The following PIP4P1 variants were observed in gnomAD, a reference collection of about 807,000 sequenced individuals.
PIP4P1 encodes phosphatidylinositol-4,5-bisphosphate 4-phosphatase 1, also known as type 1 phosphatidylinositol 4,5-bisphosphate 4-phosphatase.
In PIP4P1, 14 loss-of-function variants were observed where a neutral mutation model predicts 32.3. The ratio of observed to expected loss-of-function variants is 0.43; its 90% CI spans 0.29 to 0.68. The LOEUF is 0.68. Among genes scored for constraint, PIP4P1 ranks in the 30% least tolerant of loss-of-function variants. The pLI is 0.15. For synonymous variants in PIP4P1, 132 were observed against 137.9 expected, an observed-to-expected ratio of 0.96 and a Z score of 0.30; for missense variants, 289 against 364.5, an observed-to-expected ratio of 0.79 and a Z score of 1.69.
intron 2 of PIP4P1, 46 bp from the exon 3 acceptor site, chr14:20,460,344 C>T: frequency 2.9e-6 from 4 of 1,380,978 alleles, no homozygotes; most frequent in Non-Finnish European, 4.1e-6. Flanking sequence ...TAATCCCAAT[C>T]CCCTCCACTT....
Position 20,458,244 on chromosome 14 carries a change from G to A in PIP4P1, c.*315C>T. 5.7e-6 allele frequency: 3 copies of A among 528,108 alleles called. No homozygotes were observed. The highest frequency in any genetic ancestry group is 4.6e-5 in the South Asian group (3 of 64,956). The allele number at this position is 528,108 out of a possible 1,614,324, so 32.7% of individuals were successfully genotyped here. A position where few individuals can be genotyped will look rare whatever the true frequency, so the allele number is the denominator to read the frequency against. On this transcript the variant is annotated 3_prime_UTR_variant, in exon 7 of 7. Transcript: ENST00000250489. The stretch of plus-strand genomic sequence containing the variant: ...CTGCCCTGGAATGTGTAAGGGACAG[G>A]AATGGCTCTCAGGGAGCACACAGGA...
rs1881641391 is a variant in PIP4P1, at chr14:20,460,016, A to G, written c.440+176T>C. On this transcript the variant is annotated intron_variant, in intron 3 of 6. Coordinates refer to ENST00000250489, the MANE Select transcript of PIP4P1 (RefSeq NM_144568.4). Reference sequence around the variant, plus strand: ...CTCCGAAACGACATCATTTCATCTCAATATTTTTATTGAGAAACGAGAAAG... The same window carrying G: ...CTCCGAAACGACATCATTTCATCTCGATATTTTTATTGAGAAACGAGAAAG... The G allele has an allele frequency of 7.7e-6, 5 of 648,030 alleles. No individual in the cohort carries two copies. The Admixed American group carries it at 1.3e-4, about 17-fold the overall frequency. The allele number at this position is 648,030 out of a possible 1,614,324, so 40.1% of individuals were successfully genotyped here. A position where few individuals can be genotyped will look rare whatever the true frequency, so the allele number is the denominator to read the frequency against.
chr14:20,459,247 A>G lies in PIP4P1; in HGVS notation c.649T>C (p.Leu217=), dbSNP rs774124173. The change falls in exon 6 of 7, where the codon TTG becomes CTG. Residue 217 remains leucine, a synonymous_variant. Coordinates refer to ENST00000250489, the MANE Select transcript of PIP4P1 (RefSeq NM_144568.4). ...GTGACTGCCAAAAGCAAGCCAAGCA[A>G]GAAGCAGCAGATACATCTCTTACGT... ...YPRKRCICCF[L]LGLLLAVTAT... is the part of the protein sequence containing the mutation. The G allele has an allele frequency of 1.9e-6, 3 of 1,614,268 alleles. No individual in the cohort carries two copies. Among genetic ancestry groups the G allele is most frequent in the Admixed American group, 3.3e-5 (2 of 60,034 alleles).
In PIP4P1 at chr14:20,458,291, T is replaced by G. The variant is rs1027544755; in HGVS notation, c.*268A>C. The G allele has an allele frequency of 4.8e-6, 3 of 628,094 alleles. No homozygotes were observed. In the African/African-American group the frequency reaches 5.4e-5, roughly 11 times the overall value. The allele number at this position is 628,094 out of a possible 1,614,324, so 38.9% of individuals were successfully genotyped here. A position where few individuals can be genotyped will look rare whatever the true frequency, so the allele number is the denominator to read the frequency against. Reference sequence around the variant, plus strand: ...AGGAAGGACAAGGCTGGAACCGTCTTCAGGGCCCAGTTTTAAGGGCAACGT... The same window carrying G: ...AGGAAGGACAAGGCTGGAACCGTCTGCAGGGCCCAGTTTTAAGGGCAACGT... On this transcript the variant is annotated 3_prime_UTR_variant, in exon 7 of 7. Coordinates refer to ENST00000250489, the MANE Select transcript of PIP4P1 (RefSeq NM_144568.4).
Position 20,458,725 on chromosome 14 carries a change from A to C in PIP4P1, c.691-23T>G, listed in dbSNP as rs1881573868. 2.5e-6 allele frequency: 4 copies of C among 1,602,050 alleles called. No homozygotes were observed. In the East Asian group the frequency reaches 8.9e-5, roughly 36 times the overall value. On this transcript the variant is annotated intron_variant, in intron 6 of 6. Transcript: ENST00000250489. ...AAACTGATGAAGATAAGGAGGGAGA[A>C]GAAAAGAAAGATGGGGTTAATGTTG...
Position 20,461,246 on chromosome 14 carries a change from G to C in PIP4P1, c.80C>G (p.Pro27Arg). The C allele has an allele frequency of 1.6e-6, 2 of 1,270,430 alleles. No individual in the cohort carries two copies. The highest frequency in any genetic ancestry group is 2.0e-6 in the Non-Finnish European group (2 of 1,003,438). 78.7% of individuals were successfully genotyped at this position (1,270,430 alleles called of 1,614,324 possible). A position where few individuals can be genotyped will look rare whatever the true frequency, so the allele number is the denominator to read the frequency against. Residue 27 changes from proline (P) to arginine (R), a missense_variant, in exon 1 of 7, where the codon CCC becomes CGC. Physicochemically the swap from Pro to Arg is moderately radical, Grantham distance 103. Around this residue, in one of 2 missense-constraint regions of PIP4P1, gnomAD observed 108 missense variants for 101.2 expected, o/e 1.07. Coordinates refer to ENST00000250489, the MANE Select transcript of PIP4P1 (RefSeq NM_144568.4). ...CCCGGGCCCAGCCCCACTCCCGCCG[G>C]GCCCCACTAAACCGTTGCCGCCCGC... ...GGAGGNGLVG[P>R]GGSGAGPGGG...
intron 5 of PIP4P1, 34 bp downstream of exon 5, chr14:20,459,354 A>G (rs373463011): frequency 1.2e-6 from 2 of 1,614,088 alleles, no homozygotes; most frequent in African/African-American, 2.7e-5. Flanking sequence ...TTTACTCCAT[A>G]CATCAATTAC....
intron 6 of PIP4P1, 147 bp from the exon 7 acceptor site, chr14:20,458,849 G>T: frequency 1.0e-6 from 1 of 983,984 alleles, no homozygotes; most frequent in Non-Finnish European, 1.5e-6. Context: ...CCTTCTTAAA[G>T]GCAGAGCTGA....
At chr14:20,460,527 ACCT>A (rs1881660931) in intron 2 of PIP4P1, 125 bp downstream of exon 2, 3 of 988,410 alleles carry the variant, frequency 3.0e-6, no homozygotes, top group Admixed American at 2.6e-5. Context: ...TGTGTGAGAC[ACCT>A]GGAACTGAAA....
chr14:20,461,207 G>A lies in PIP4P1; in HGVS notation c.119C>T (p.Pro40Leu), dbSNP rs1398084408. The A allele has an allele frequency of 4.1e-5, 51 of 1,256,250 alleles. No individual in the cohort carries two copies. The highest frequency in any genetic ancestry group is 5.1e-5 in the Non-Finnish European group (51 of 994,800). The allele number at this position is 1,256,250 out of a possible 1,614,324, so 77.8% of individuals were successfully genotyped here. Residue 40 changes from proline (P) to leucine (L), a missense_variant, in exon 1 of 7, where the codon CCC (proline) becomes CTC (leucine). Around this residue, in one of 2 missense-constraint regions of PIP4P1, gnomAD observed 108 missense variants for 101.2 expected, o/e 1.07. Coordinates refer to ENST00000250489, the MANE Select transcript of PIP4P1 (RefSeq NM_144568.4). ...SGAGPGGGLTPSAPPYGAAFP... is the reference protein window; with the variant it reads ...SGAGPGGGLTLSAPPYGAAFP... ...ACCGGCTCCGTACGGTGGTGCGGAG[G>A]GGGTCAGGCCTCCCCCGGGCCCAGC...
chr14:20,458,560 C>T lies in PIP4P1; in HGVS notation c.833G>A (p.Ter278=). The T allele has an allele frequency of 6.2e-7, 1 of 1,613,310 alleles. No individual in the cohort carries two copies. The highest frequency in any genetic ancestry group is 8.5e-7 in the Non-Finnish European group (1 of 1,179,546). The change falls in exon 7 of 7, where the codon TGA becomes TAA. Residue 278 remains the stop codon, a stop_retained_variant. Coordinates refer to ENST00000250489, the MANE Select transcript of PIP4P1 (RefSeq NM_144568.4). ...GGCACAGTCTGTGGGTCATCAGGCTCAGGAGAAGTTCTGGACAGGGTGGCT... is the reference window on the plus strand; with the variant it reads ...GGCACAGTCTGTGGGTCATCAGGCTTAGGAGAAGTTCTGGACAGGGTGGCT... ...KVSHPVQNFS[*]
At position 20,458,543 on chromosome 14, in the gene PIP4P1, CTG is replaced by C. The variant is rs752523405; in HGVS notation, c.*14_*15del. Reference sequence around the variant, plus strand: ...CCACCAGGGAGGGGCCAGGCACAGTCTGTGGGTCATCAGGCTCAGGAGAAGTT... The same window carrying C: ...CCACCAGGGAGGGGCCAGGCACAGTCTGGGTCATCAGGCTCAGGAGAAGTT... On this transcript the variant is annotated 3_prime_UTR_variant, in exon 7 of 7. Coordinates refer to ENST00000250489, the MANE Select transcript of PIP4P1 (RefSeq NM_144568.4). 3.7e-6 allele frequency: 6 copies of C among 1,612,260 alleles called. No individual in the cohort carries two copies. Among genetic ancestry groups the C allele is most frequent in the Non-Finnish European group, 5.1e-6 (6 of 1,179,016 alleles).
rs747904913 is a variant in PIP4P1, at chr14:20,458,557, G to A, written c.*2C>T. 1 of 1,613,246 alleles carries A rather than the reference G, an allele frequency of 6.2e-7. No individual in the cohort carries two copies. The highest frequency in any genetic ancestry group is 8.5e-7 in the Non-Finnish European group (1 of 1,179,482). On this transcript the variant is annotated 3_prime_UTR_variant, in exon 7 of 7. Coordinates refer to ENST00000250489, the MANE Select transcript of PIP4P1 (RefSeq NM_144568.4). ...CCAGGCACAGTCTGTGGGTCATCAG[G>A]CTCAGGAGAAGTTCTGGACAGGGTG...
intron 2 of PIP4P1, 90 bp from the exon 3 acceptor site, chr14:20,460,388 A>G: frequency 1.0e-6 from 1 of 982,508 alleles, no homozygotes; most frequent in Non-Finnish European, 1.5e-6. Flanking sequence ...TCAGAAAAAT[A>G]AGGTGCTAAC....
Position 20,457,892 on chromosome 14 carries a change from A to C in PIP4P1, c.*667T>G, listed in dbSNP as rs1009205068. 2.9e-6 allele frequency: 1 copy of C among 347,366 alleles called. No homozygotes were observed. Among genetic ancestry groups the C allele is most frequent in the Non-Finnish European group, 5.5e-6 (1 of 180,304 alleles). The allele number at this position is 347,366 out of a possible 1,614,324, so 21.5% of individuals were successfully genotyped here. A position where few individuals can be genotyped will look rare whatever the true frequency, so the allele number is the denominator to read the frequency against. On this transcript the variant is annotated 3_prime_UTR_variant, in exon 7 of 7. Coordinates refer to ENST00000250489, the MANE Select transcript of PIP4P1 (RefSeq NM_144568.4). ...GACCTTATTTATTTACAAGCACAGG[A>C]TAAGTCCCTAACCTCCCCCAAAGAC...
chr14:20,460,426 T>C (rs374269659), intron 2 of PIP4P1, 128 bp from the exon 3 acceptor site: 1 of 794,774 alleles, frequency 1.3e-6, no homozygotes, highest in Non-Finnish European at 2.0e-6. Context: ...AGAAAGACTA[T>C]ATCATGAGAT....
chr14:20,461,030 G>T (rs1881686868), intron 1 of PIP4P1, 154 bp downstream of exon 1: 10 of 1,264,948 alleles, frequency 7.9e-6, no homozygotes, highest in Non-Finnish European at 1.0e-5. Flanking sequence ...ATTACGGAGG[G>T]AAGGAAGCCT....
At chr14:20,459,558 A>T in intron 4 of PIP4P1, 70 bp downstream of exon 4, 2 of 1,570,540 alleles carry the variant, frequency 1.3e-6, no homozygotes, top group African/African-American at 1.3e-5. Flanking sequence ...CATTACCATT[A>T]CTCTAAGAAA....
Position 20,459,396 on chromosome 14 carries a change from G to A in PIP4P1, c.591C>T (p.Cys197=), listed in dbSNP as rs1409131411. The change falls in exon 5 of 7, where the codon TGC becomes TGT. Residue 197 remains cysteine, a synonymous_variant. Transcript: ENST00000250489. The stretch of plus-strand genomic sequence containing the variant: ...AATCCCTAATCACTTACACTTTCCT[G>A]CAGTGAGGACAACGTGCCAAAGTGC... ...TDRTLARCPH[C]RKVSSIGRRY... The A allele has an allele frequency of 3.7e-6, 6 of 1,614,048 alleles. No individual in the cohort carries two copies. Among genetic ancestry groups the A allele is most frequent in the Admixed American group, 1.7e-5 (1 of 60,004 alleles).
Sources: gnomAD v4.1 joint callset for allele counts on GRCh38, gnomAD v4.1.1 for gene constraint, gnomAD v4.1.1 regional missense constraint, MANE v1.5 for transcripts, NCBI Gene and HGNC (gene_info 2026-07-23, HGNC 2026-07-21) for gene names.